GRID2: variants seen among roughly 807,000 people sequenced by gnomAD.
The protein encoded by GRID2 is glutamate receptor ionotropic, delta-2.
Under a neutral mutation model 114.8 loss-of-function variants are expected in GRID2, and 33 were observed. That is an observed-to-expected ratio of 0.29 (90% CI 0.22 to 0.38). The LOEUF (loss-of-function observed/expected upper bound fraction) is 0.38, where lower values mean the gene tolerates loss of function less well. Among genes scored for constraint, GRID2 ranks in the 10% least tolerant of loss-of-function variants. The probability of loss-of-function intolerance (pLI) is 1.00; values close to 1 mark genes in which losing one functional copy is unlikely to be tolerated. For synonymous variants in GRID2, 505 were observed against 449.9 expected (o/e 1.12, Z -1.55); for missense variants, 1,184 against 1,257.7 (o/e 0.94, Z 0.89).
chr4:93,704,148 C>T (rs1727779334), intron 14 of GRID2, among the ~76,000 whole-genome samples: 1 of 152,178 alleles, frequency 6.6e-6, no homozygotes, highest in Non-Finnish European at 1.5e-5. Flanking sequence ...CACATCCTCT[C>T]CAGCACCTGT....
At chr4:92,979,708 C>G (rs77928870) in intron 2 of GRID2, among the ~76,000 whole-genome samples, 1 of 152,162 alleles carries the variant, frequency 6.6e-6, no homozygotes, top group African/African-American at 2.4e-5. Context: ...ACCCAGCTTA[C>G]AAGCCATAGT....
At chr4:93,802,034 T>C (rs537156335) in intron 1 of GRID2, among the ~76,000 whole-genome samples, 1 of 152,342 alleles carries the variant, frequency 6.6e-6, no homozygotes, top group South Asian at 2.1e-4. Context: ...GAATCCAGCA[T>C]CCAGGCCTGG....
chr4:92,783,375 G>C (rs1292091903), intron 2 of GRID2, among the ~76,000 whole-genome samples: 5 of 152,002 alleles, frequency 3.3e-5, no homozygotes, highest in Non-Finnish European at 7.4e-5. Context: ...AATAAAATCA[G>C]AGAATGTTGT....
intron 1 of GRID2, among the ~76,000 whole-genome samples, chr4:92,489,315 A>G (rs930425112): frequency 1.3e-5 from 2 of 152,206 alleles, no homozygotes; most frequent in Non-Finnish European, 2.9e-5. Flanking sequence ...CCTAAATGTT[A>G]TTTAAGAAAT....
At chr4:93,771,352 T>C (rs914848376) in intron 15 of GRID2, among the ~76,000 whole-genome samples, 5 of 152,176 alleles carry the variant, frequency 3.3e-5, no homozygotes, top group African/African-American at 9.7e-5. Flanking sequence ...GGTTTTGAGG[T>C]CAGTTAGCAT....
intron 2 of GRID2, among the ~76,000 whole-genome samples, chr4:92,881,951 G>T (rs1311526571): frequency 6.6e-6 from 1 of 152,024 alleles, no homozygotes; most frequent in Non-Finnish European, 1.5e-5. Flanking sequence ...TAGTATGTTA[G>T]GAATTAATTT....
intron 2 of GRID2, among the ~76,000 whole-genome samples, chr4:92,973,634 T>C (rs560968089): frequency 6.6e-6 from 1 of 152,290 alleles, no homozygotes; most frequent in East Asian, 1.9e-4. Flanking sequence ...AAAACTAAAA[T>C]GGAAGTAGCC....
At chr4:92,401,144 A>G (rs1477507935) in intron 1 of GRID2, among the ~76,000 whole-genome samples, 1 of 152,082 alleles carries the variant, frequency 6.6e-6, no homozygotes, top group Non-Finnish European at 1.5e-5. Flanking sequence ...GTTGTTATAT[A>G]TAAGAAACAA....
At chr4:93,750,116 G>A (rs1047695383) in intron 14 of GRID2, among the ~76,000 whole-genome samples, 5 of 152,194 alleles carry the variant, frequency 3.3e-5, no homozygotes, top group African/African-American at 1.2e-4. Context: ...AACAACTGTA[G>A]TTGGTGCTAC....
At chr4:93,557,009 A>G in intron 13 of GRID2, among the ~76,000 whole-genome samples, 1 of 152,360 alleles carries the variant, frequency 6.6e-6, no homozygotes, top group Non-Finnish European at 1.5e-5. Flanking sequence ...TCAGCGAAGA[A>G]GAAATAAAAT....
At chr4:93,448,470 A>T (rs956086625) in intron 10 of GRID2, among the ~76,000 whole-genome samples, 2 of 152,030 alleles carry the variant, frequency 1.3e-5, no homozygotes, top group Admixed American at 1.3e-4. Context: ...CACCCTCATA[A>T]TATGCCATTT....
intron 2 of GRID2, among the ~76,000 whole-genome samples, chr4:92,632,771 G>A (rs1208442984): frequency 6.6e-6 from 1 of 151,914 alleles, no homozygotes; most frequent in Non-Finnish European, 1.5e-5. Flanking sequence ...AGAAGTGAAG[G>A]AAGGGAAGAA....
At chr4:93,474,011 T>C (rs376679071) in intron 11 of GRID2, among the ~76,000 whole-genome samples, 2 of 152,148 alleles carry the variant, frequency 1.3e-5, no homozygotes, top group African/African-American at 4.8e-5. Context: ...AATTTATACA[T>C]TGAAAGTGCT....
intron 2 of GRID2, among the ~76,000 whole-genome samples, chr4:92,770,547 A>T (rs990841051): frequency 3.3e-5 from 5 of 152,140 alleles, no homozygotes; most frequent in African/African-American, 1.2e-4. Flanking sequence ...TTCATAAAAT[A>T]AAGAGGTTTA....
At chr4:92,483,623 A>G (rs949755413) in intron 1 of GRID2, among the ~76,000 whole-genome samples, 3 of 152,312 alleles carry the variant, frequency 2.0e-5, no homozygotes, top group Admixed American at 6.5e-5. Flanking sequence ...ATCAGATTTC[A>G]GAATGTGATT....
intron 2 of GRID2, among the ~76,000 whole-genome samples, chr4:93,056,259 T>G (rs1352078862): frequency 6.6e-6 from 1 of 151,968 alleles, no homozygotes; most frequent in African/African-American, 2.4e-5. Flanking sequence ...GCACATTGAT[T>G]GTTTTCTATC....
At chr4:93,078,141 G>A (rs1729500283) in intron 2 of GRID2, among the ~76,000 whole-genome samples, 2 of 152,058 alleles carry the variant, frequency 1.3e-5, no homozygotes, top group East Asian at 3.9e-4. Context: ...GTATTTCATT[G>A]TCTCTGTGTC....
intron 8 of GRID2, among the ~76,000 whole-genome samples, chr4:93,283,636 C>T (rs1211296112): frequency 6.6e-6 from 1 of 151,924 alleles, no homozygotes; most frequent in Non-Finnish European, 1.5e-5. Flanking sequence ...GCACACTGAC[C>T]CTGAGTAGTC....
At chr4:92,996,668 C>T (rs1755217306) in intron 2 of GRID2, among the ~76,000 whole-genome samples, 1 of 152,176 alleles carries the variant, frequency 6.6e-6, no homozygotes, top group African/African-American at 2.4e-5. Flanking sequence ...TTAGATCACT[C>T]AGATTCCATC....
Sources: allele counts gnomAD v4.1 joint callset (sites outside exome capture counted in the v4.1 genomes callset), GRCh38; gene constraint gnomAD v4.1.1; transcripts MANE v1.5; gene names NCBI Gene and HGNC (gene_info 2026-07-23, HGNC 2026-07-21).